The following ZFHX3 variants were observed in gnomAD, a reference collection of about 807,000 sequenced individuals.
The protein encoded by ZFHX3 is zinc finger homeobox protein 3.
In ZFHX3, 42 loss-of-function variants were observed where a neutral mutation model predicts 279.1. The observed-to-expected ratio is 0.15, with a 90% CI of 0.12 to 0.19. The LOEUF is 0.19. Ranked by LOEUF, ZFHX3 falls within the 10% of genes least tolerant of loss-of-function variation. The probability of loss-of-function intolerance (pLI) is 1.00; values close to 1 mark genes in which losing one functional copy is unlikely to be tolerated. For missense variants in ZFHX3, 4,981 were observed against 4,754.0 expected (o/e 1.05, Z -1.40); for synonymous variants, 2,293 against 1,957.8 (o/e 1.17, Z -4.52).
intron 3 of ZFHX3, among the ~76,000 whole-genome samples, chr16:73,349,346 A>G (rs909801688): frequency 6.6e-6 from 1 of 152,188 alleles, no homozygotes; most frequent in African/African-American, 2.4e-5. Context: ...CCTGATCAGA[A>G]GAATTACCTC....
intron 5 of ZFHX3, among the ~76,000 whole-genome samples, chr16:73,151,448 G>A (rs1966939722): frequency 1.3e-5 from 2 of 152,164 alleles, no homozygotes; most frequent in Admixed American, 1.3e-4. Flanking sequence ...GAACCAGTCA[G>A]AGGCAGGTTG....
At chr16:73,120,138 G>C (rs1966479068) in intron 7 of ZFHX3, among the ~76,000 whole-genome samples, 2 of 151,972 alleles carry the variant, frequency 1.3e-5, no homozygotes, top group African/African-American at 2.4e-5. Flanking sequence ...CACACTCAAG[G>C]CTCTTTCTGT....
intron 1 of ZFHX3, among the ~76,000 whole-genome samples, chr16:73,721,400 G>A (rs552274336): frequency 1.3e-5 from 2 of 152,170 alleles, no homozygotes; most frequent in Non-Finnish European, 2.9e-5. Context: ...GGGATTACAG[G>A]TGTGAGCCAC....
intron 3 of ZFHX3, among the ~76,000 whole-genome samples, chr16:73,424,753 C>CA (rs71156163): frequency 0.23 from 22,290 of 95,038 alleles, 2,727 homozygotes; most frequent in Middle Eastern, 0.31. Context: ...TACCCTGTGT[C>CA]AAAAAAAAAA....
At chr16:73,146,882 C>A (rs1035291250) in intron 5 of ZFHX3, among the ~76,000 whole-genome samples, 1 of 152,156 alleles carries the variant, frequency 6.6e-6, no homozygotes, top group Non-Finnish European at 1.5e-5. Flanking sequence ...GTCTCGAACT[C>A]CTGGGCTCAA....
chr16:73,473,867 G>A (rs11647009), intron 2 of ZFHX3, among the ~76,000 whole-genome samples: 2 of 151,790 alleles, frequency 1.3e-5, no homozygotes, highest in Admixed American at 1.3e-4. Flanking sequence ...TGTTTCTGAA[G>A]ATCGCAAGAT....
intron 4 of ZFHX3, among the ~76,000 whole-genome samples, chr16:73,279,722 G>A (rs2014408352): frequency 6.6e-6 from 1 of 152,150 alleles, no homozygotes; most frequent in South Asian, 2.1e-4. Context: ...CTGAAGACAT[G>A]AGGACATACA....
Position 72,795,302 on chromosome 16 carries a change from G to A in ZFHX3, c.7380C>T (p.Pro2460=), listed in dbSNP as rs748787751. ...PKPELQQQEQ[P]EQKTNTPQQK... ...GCTGGGGAGTGTTGGTCTTCTGCTC[G>A]GGCTGCTCTTGCTGCTGCAGCTCTG... Residue 2460 remains proline (P), a synonymous_variant, in exon 9 of 10, where the codon CCC becomes CCT. Transcript: ENST00000268489. 2.9e-5 allele frequency: 46 copies of A among 1,613,788 alleles called. No homozygotes were observed. The highest frequency in any genetic ancestry group is 6.7e-5 in the African/African-American group (5 of 74,816).
chr16:73,700,716 C>T (rs375726252), intron 1 of ZFHX3, among the ~76,000 whole-genome samples: 3 of 152,236 alleles, frequency 2.0e-5, no homozygotes, highest in African/African-American at 4.8e-5. Context: ...AAAGAAATAC[C>T]ACTAAGCTTA....
chr16:72,948,624 A>G (rs1208643066), intron 3 of ZFHX3, among the ~76,000 whole-genome samples: 1 of 152,182 alleles, frequency 6.6e-6, no homozygotes, highest in East Asian at 1.9e-4. Context: ...CGGAGGATGC[A>G]GCATGAGAGT....
Position 72,968,565 on chromosome 16 carries a change from A to T in ZFHX3, c.-49-8371T>A, listed in dbSNP as rs1030431542. Among the ~76,000 whole-genome samples, 12 of 151,326 alleles carry T rather than the reference A, an allele frequency of 7.9e-5. No homozygotes were observed. In the East Asian group the frequency reaches 2.3e-3, roughly 30 times the overall value. On this transcript the variant is annotated intron_variant, in intron 1 of 9. Coordinates refer to ENST00000268489, the MANE Select transcript of ZFHX3 (RefSeq NM_006885.4). ...AACCTCTGTCGCCCAGGTTCAAGCA[A>T]TTCTTCTGCCTCAGCCTCCTAAGTA... is the stretch of plus-strand genomic sequence containing the variant.
At chr16:73,373,560 AC>A (rs1159789998) in intron 3 of ZFHX3, among the ~76,000 whole-genome samples, 1 of 152,180 alleles carries the variant, frequency 6.6e-6, no homozygotes, top group Non-Finnish European at 1.5e-5. Flanking sequence ...TAGCCAGAAA[AC>A]CGAGCTACCA....
chr16:72,803,163 C>G (rs1180187894), intron 7 of ZFHX3, among the ~76,000 whole-genome samples: 1 of 152,160 alleles, frequency 6.6e-6, no homozygotes, highest in East Asian at 1.9e-4. Flanking sequence ...GAAACCCCAT[C>G]TCTACTATAA....
intron 2 of ZFHX3, among the ~76,000 whole-genome samples, chr16:73,505,450 G>A (rs1253602945): frequency 6.6e-6 from 1 of 151,742 alleles, no homozygotes; most frequent in Non-Finnish European, 1.5e-5. Flanking sequence ...TGCCTGGTTT[G>A]ATTACAAAGT....
At chr16:73,204,734 A>G (rs2011735627) in intron 5 of ZFHX3, among the ~76,000 whole-genome samples, 1 of 152,214 alleles carries the variant, frequency 6.6e-6, no homozygotes, top group Admixed American at 6.5e-5. Context: ...CAGATTAAAC[A>G]CAGCAAAGAG....
intron 1 of ZFHX3, among the ~76,000 whole-genome samples, chr16:73,708,026 T>C (rs2053321666): frequency 6.7e-6 from 1 of 148,446 alleles, no homozygotes; most frequent in Admixed American, 6.7e-5. Context: ...AGATAGATGT[T>C]AATCCCTGTG....
At chr16:73,855,847 G>A (rs113912178) in intron 1 of ZFHX3, among the ~76,000 whole-genome samples, 73 of 152,236 alleles carry the variant, frequency 4.8e-4, no homozygotes, top group African/African-American at 1.6e-3. Flanking sequence ...TCTGGGGCAA[G>A]GTTTTCCATA....
intron 2 of ZFHX3, among the ~76,000 whole-genome samples, chr16:73,662,770 T>C (rs989920848): frequency 5.9e-5 from 9 of 152,178 alleles, no homozygotes; most frequent in Non-Finnish European, 1.0e-4. Context: ...TGCAAGAACA[T>C]TTTATCACAA....
chr16:73,770,122 A>G (rs1458008156), intron 1 of ZFHX3, among the ~76,000 whole-genome samples: 1 of 152,242 alleles, frequency 6.6e-6, no homozygotes, highest in Non-Finnish European at 1.5e-5. Context: ...TGCTAATCAG[A>G]TGACCTGATG....
Sources: allele counts gnomAD v4.1 joint callset (sites outside exome capture counted in the v4.1 genomes callset), GRCh38; gene constraint gnomAD v4.1.1; transcripts MANE v1.5; gene names NCBI Gene and HGNC (gene_info 2026-07-23, HGNC 2026-07-21).